The following CTNNA3 variants were observed in gnomAD, a reference collection of about 807,000 sequenced individuals.
CTNNA3 encodes the protein catenin alpha-3.
Under a neutral mutation model 95.7 loss-of-function variants are expected in CTNNA3, and 76 were observed. That is an observed-to-expected ratio of 0.79 (90% CI 0.66 to 0.96). The LOEUF (loss-of-function observed/expected upper bound fraction) is 0.96, where lower values mean the gene tolerates loss of function less well. Ranked by LOEUF, CTNNA3 falls within the 40% of genes least tolerant of loss-of-function variation. CTNNA3 has a pLI of 0.00. For synonymous variants in CTNNA3, 431 were observed against 374.4 expected (o/e 1.15, Z -1.74); for missense variants, 1,191 against 1,089.8 (o/e 1.09, Z -1.31).
chr10:66,053,823 A>C (rs932458654), intron 15 of CTNNA3, among the ~76,000 whole-genome samples: 3 of 152,082 alleles, frequency 2.0e-5, no homozygotes, highest in Admixed American at 6.6e-5. Flanking sequence ...ATTGTTTACT[A>C]TAGTTTCCCT....
chr10:66,978,968 T>A (rs1173738039), intron 7 of CTNNA3, among the ~76,000 whole-genome samples: 1 of 139,904 alleles, frequency 7.1e-6, no homozygotes, highest in Admixed American at 7.2e-5. Context: ...TCCTTTTTTT[T>A]TTTTTTTTTT....
intron 14 of CTNNA3, among the ~76,000 whole-genome samples, chr10:66,090,486 C>T (rs1202742441): frequency 1.3e-5 from 2 of 151,966 alleles, no homozygotes; most frequent in Non-Finnish European, 2.9e-5. Flanking sequence ...AGAAGCCTCA[C>T]AATAACCCTA....
At chr10:67,632,299 C>T (rs991684448) in intron 2 of CTNNA3, among the ~76,000 whole-genome samples, 1 of 144,362 alleles carries the variant, frequency 6.9e-6, no homozygotes, top group Non-Finnish European at 1.5e-5. Context: ...CATTACCTGT[C>T]CATTAAATAT....
At chr10:66,845,754 T>C (rs200268362) in intron 7 of CTNNA3, among the ~76,000 whole-genome samples, 10 of 108,670 alleles carry the variant, frequency 9.2e-5, no homozygotes, top group East Asian at 7.1e-4. Flanking sequence ...TATATATACA[T>C]ACACACACAC....
intron 1 of CTNNA3, among the ~76,000 whole-genome samples, chr10:67,683,689 A>G (rs1279788102): frequency 6.6e-6 from 1 of 152,216 alleles, no homozygotes; most frequent in Non-Finnish European, 1.5e-5. Flanking sequence ...CACTGACTTC[A>G]AGAACGAAGC....
intron 7 of CTNNA3, among the ~76,000 whole-genome samples, chr10:66,854,173 A>G (rs577438576): frequency 5.9e-5 from 9 of 152,212 alleles, no homozygotes; most frequent in African/African-American, 1.7e-4. Context: ...TGACACATTT[A>G]GGGATCAAAT....
intron 7 of CTNNA3, among the ~76,000 whole-genome samples, chr10:67,155,014 A>G (rs533842927): frequency 6.6e-6 from 1 of 151,496 alleles, no homozygotes; most frequent in African/African-American, 2.4e-5. Context: ...TTAAATTCAA[A>G]TTGTTTCTTT....
intron 2 of CTNNA3, among the ~76,000 whole-genome samples, chr10:67,616,169 A>G (rs1589493513): frequency 6.6e-6 from 1 of 152,188 alleles, no homozygotes; most frequent in East Asian, 1.9e-4. Context: ...GTTCCAAAAC[A>G]AGAGCTTGAC....
At chr10:67,232,600 A>G (rs971451989) in intron 5 of CTNNA3, among the ~76,000 whole-genome samples, 78 of 152,236 alleles carry the variant, frequency 5.1e-4, no homozygotes, top group Non-Finnish European at 9.1e-4. Flanking sequence ...AAACTGCATC[A>G]ACTAACGAGC....
At chr10:66,525,937 CATA>C (rs1329930497) in intron 10 of CTNNA3, among the ~76,000 whole-genome samples, 2 of 152,110 alleles carry the variant, frequency 1.3e-5, no homozygotes, top group East Asian at 3.9e-4. Context: ...TTTCCCTTAA[CATA>C]ATATTTTCAA....
At chr10:66,250,334 T>C (rs1208817220) in intron 13 of CTNNA3, among the ~76,000 whole-genome samples, 1 of 152,022 alleles carries the variant, frequency 6.6e-6, no homozygotes, top group Non-Finnish European at 1.5e-5. Flanking sequence ...ATAGAAAGAA[T>C]GAGTGAATAA....
intron 12 of CTNNA3, among the ~76,000 whole-genome samples, chr10:66,371,538 C>A (rs1457302701): frequency 6.6e-6 from 1 of 152,128 alleles, no homozygotes; most frequent in Admixed American, 6.6e-5. Context: ...GGGCAATGTT[C>A]TTGGTTGCAT....
intron 7 of CTNNA3, among the ~76,000 whole-genome samples, chr10:67,064,842 T>A (rs748551201): frequency 6.6e-6 from 1 of 152,236 alleles, no homozygotes; most frequent in African/African-American, 2.4e-5. Context: ...GAGGGACAGA[T>A]GAATTCTCTA....
chr10:67,648,769 A>C (rs1394897643), intron 1 of CTNNA3: 2 of 1,289,586 alleles, frequency 1.6e-6, no homozygotes, highest in Non-Finnish European at 1.0e-6. Context: ...CGTTGATTTC[A>C]TTCTCCTTCT....
At chr10:67,647,146 T>TTATATATATATATATATA (rs67324505) in intron 2 of CTNNA3, among the ~76,000 whole-genome samples, 32 of 136,490 alleles carry the variant, frequency 2.3e-4, no homozygotes, top group East Asian at 4.1e-4. Context: ...ACTCTGAAAA[T>TTATATATATATATATATA]TATATATATA....
chr10:66,942,300 C>T (rs925983674), intron 7 of CTNNA3, among the ~76,000 whole-genome samples: 1 of 152,062 alleles, frequency 6.6e-6, no homozygotes, highest in Admixed American at 6.5e-5. Context: ...TTGACGCTTA[C>T]CAATCATTAT....
At chr10:66,047,529 A>C (rs1291258222) in intron 15 of CTNNA3, among the ~76,000 whole-genome samples, 2 of 152,198 alleles carry the variant, frequency 1.3e-5, no homozygotes, top group Non-Finnish European at 2.9e-5. Flanking sequence ...CATTTTACTA[A>C]ATGGGCAAAA....
At chr10:66,411,868 G>A (rs982751357) in intron 11 of CTNNA3, among the ~76,000 whole-genome samples, 3 of 152,120 alleles carry the variant, frequency 2.0e-5, no homozygotes, top group Non-Finnish European at 4.4e-5. Context: ...AATGAGGAAG[G>A]AATTGTGCAA....
chr10:66,872,437 G>A (rs1482665061), intron 7 of CTNNA3, among the ~76,000 whole-genome samples: 2 of 152,046 alleles, frequency 1.3e-5, no homozygotes, highest in Non-Finnish European at 2.9e-5. Flanking sequence ...GGGAGGCCGA[G>A]GCAGGTGGAT....
Sources: gnomAD v4.1 joint callset for allele counts (sites outside exome capture counted in the v4.1 genomes callset) on GRCh38, gnomAD v4.1.1 for gene constraint, MANE v1.5 for transcripts, NCBI Gene and HGNC (gene_info 2026-07-23, HGNC 2026-07-21) for gene names.